The following KHDRBS2 variants were observed in gnomAD, a reference collection of about 807,000 sequenced individuals.
The protein encoded by KHDRBS2 is KH RNA binding domain containing, signal transduction associated 2.
Under a neutral mutation model 44.3 loss-of-function variants are expected in KHDRBS2, and 26 were observed. That is an observed-to-expected ratio of 0.59 (90% CI 0.43 to 0.81). The LOEUF (loss-of-function observed/expected upper bound fraction) is 0.81. KHDRBS2 is among the 40% of genes least tolerant of loss of function. The pLI, the probability that KHDRBS2 is intolerant of heterozygous loss-of-function variation, is 0.00. For synonymous variants in KHDRBS2, 194 were observed against 151.1 expected (o/e 1.28, Z -2.08); for missense variants, 476 against 433.1 (o/e 1.10, Z -0.88).
At chr6:61,869,989 C>T (rs1358837962) in intron 6 of KHDRBS2, among the ~76,000 whole-genome samples, 2 of 41,990 alleles carry the variant, frequency 4.8e-5, no homozygotes, top group African/African-American at 1.6e-4. Flanking sequence ...TTTTTTTTTC[C>T]CCATACTACA....
At chr6:61,930,321 A>G (rs1809769922) in intron 4 of KHDRBS2, among the ~76,000 whole-genome samples, 1 of 151,992 alleles carries the variant, frequency 6.6e-6, no homozygotes, top group South Asian at 2.1e-4. Flanking sequence ...GTAAATTAAC[A>G]CCTTCTTCAA....
At chr6:61,872,533 A>C (rs1385353834) in intron 6 of KHDRBS2, among the ~76,000 whole-genome samples, 1 of 152,150 alleles carries the variant, frequency 6.6e-6, no homozygotes, top group East Asian at 1.9e-4. Context: ...AGTAACATAA[A>C]TATAGGACAC....
At chr6:61,765,687 T>G (rs1239110957) in intron 6 of KHDRBS2, among the ~76,000 whole-genome samples, 2 of 152,132 alleles carry the variant, frequency 1.3e-5, no homozygotes, top group Non-Finnish European at 2.9e-5. Context: ...TTTGAGGGTT[T>G]TTTTAAATCA....
chr6:61,768,859 T>G (rs957998176), intron 6 of KHDRBS2, among the ~76,000 whole-genome samples: 1 of 152,080 alleles, frequency 6.6e-6, no homozygotes, highest in African/African-American at 2.4e-5. Context: ...AGTTGTTCAA[T>G]TTGGTGTTCC....
chr6:61,998,262 GAATT>G (rs1391550588), intron 3 of KHDRBS2, among the ~76,000 whole-genome samples: 1 of 152,008 alleles, frequency 6.6e-6, no homozygotes, highest in Non-Finnish European at 1.5e-5. Flanking sequence ...AGAAGAAATT[GAATT>G]AATTCACTGA....
At chr6:61,965,048 A>C (rs1315316867) in intron 4 of KHDRBS2, among the ~76,000 whole-genome samples, 1 of 152,114 alleles carries the variant, frequency 6.6e-6, no homozygotes, top group Non-Finnish European at 1.5e-5. Flanking sequence ...GGGTGAATGT[A>C]AACGAAGTTC....
chr6:61,682,813 T>C (rs187926842), intron 8 of KHDRBS2, among the ~76,000 whole-genome samples: 17 of 151,972 alleles, frequency 1.1e-4, no homozygotes, highest in Admixed American at 8.6e-4. Flanking sequence ...AAGAATTCCA[T>C]GTATTTGCTT....
intron 4 of KHDRBS2, among the ~76,000 whole-genome samples, chr6:61,905,006 T>C (rs1357086786): frequency 6.6e-6 from 1 of 152,200 alleles, no homozygotes; most frequent in Non-Finnish European, 1.5e-5. Context: ...TTATACTATG[T>C]ATGATTAAAT....
chr6:62,018,350 C>G (rs1259655856), intron 3 of KHDRBS2, among the ~76,000 whole-genome samples: 1 of 131,356 alleles, frequency 7.6e-6, no homozygotes, highest in African/African-American at 3.0e-5. Context: ...TCCTTATTTC[C>G]TTCTCACCCA....
chr6:61,789,340 A>C (rs1482819941), intron 6 of KHDRBS2, among the ~76,000 whole-genome samples: 1 of 151,570 alleles, frequency 6.6e-6, no homozygotes, highest in Non-Finnish European at 1.5e-5. Flanking sequence ...GCAAGAAACT[A>C]AATGAAGTTA....
intron 4 of KHDRBS2, among the ~76,000 whole-genome samples, chr6:61,913,549 T>C (rs1465301270): frequency 1.3e-5 from 2 of 151,676 alleles, no homozygotes; most frequent in East Asian, 3.9e-4. Context: ...TATGCTTGCT[T>C]ATTTATATAT....
intron 2 of KHDRBS2, among the ~76,000 whole-genome samples, chr6:62,092,875 C>A (rs1286118310): frequency 6.6e-6 from 1 of 151,970 alleles, no homozygotes; most frequent in Non-Finnish European, 1.5e-5. Flanking sequence ...CACCCATTAG[C>A]CCCTCCTCTA....
intron 3 of KHDRBS2, among the ~76,000 whole-genome samples, chr6:62,001,926 G>C (rs2127259713): frequency 6.6e-6 from 1 of 152,212 alleles, no homozygotes; most frequent in Admixed American, 6.5e-5. Context: ...AAGGTTATTT[G>C]AGAAATTATT....
At chr6:61,605,484 T>C in the KHDRBS2 span, among the ~76,000 whole-genome samples, 1 of 152,222 alleles carries the variant, frequency 6.6e-6, no homozygotes, top group African/African-American at 2.4e-5. Context: ...TAATTGGATG[T>C]CCTGGGTCCT....
chr6:62,114,647 C>T (rs761220019), intron 2 of KHDRBS2, among the ~76,000 whole-genome samples: 2 of 151,968 alleles, frequency 1.3e-5, no homozygotes, highest in Non-Finnish European at 1.5e-5. Flanking sequence ...ATTCAATATG[C>T]GTTATCTTTC....
In KHDRBS2 at chr6:61,957,717, C is replaced by A. The variant is rs115848949; in HGVS notation, c.483+20349G>T. 1.9e-3 allele frequency among the ~76,000 whole-genome samples: 286 copies of A among 152,250 alleles called. 2 individuals are homozygous for A. The highest frequency in any genetic ancestry group is 6.1e-3 in the African/African-American group (255 of 41,554). On this transcript the variant is annotated intron_variant, in intron 4 of 8. Coordinates refer to ENST00000281156, the MANE Select transcript of KHDRBS2 (RefSeq NM_152688.4). ...TTAGCAATTCTAATTTTGCCCCAGT[C>A]CTATGGTCCTGTGATCTCACCCTGC...
At chr6:61,638,763 G>GA in the KHDRBS2 span, among the ~76,000 whole-genome samples, 6 of 152,084 alleles carry the variant, frequency 3.9e-5, no homozygotes, top group African/African-American at 1.4e-4. Flanking sequence ...CTGAGAAGCA[G>GA]AAAAATATTA....
intron 1 of KHDRBS2, among the ~76,000 whole-genome samples, chr6:62,230,752 A>G (rs993324033): frequency 6.6e-5 from 10 of 152,226 alleles, no homozygotes; most frequent in Admixed American, 5.2e-4. Context: ...AAAAATCCCA[A>G]CTATGATGTT....
At chr6:62,088,588 G>A (rs1323094992) in intron 2 of KHDRBS2, among the ~76,000 whole-genome samples, 2 of 152,072 alleles carry the variant, frequency 1.3e-5, no homozygotes, top group Non-Finnish European at 2.9e-5. Flanking sequence ...TGTCCCAGAG[G>A]GGCACCTGCC....
Sources: gnomAD v4.1 joint callset for allele counts (sites outside exome capture counted in the v4.1 genomes callset) on GRCh38, gnomAD v4.1.1 for gene constraint, MANE v1.5 for transcripts, NCBI Gene and HGNC (gene_info 2026-07-23, HGNC 2026-07-21) for gene names.